The following RBFOX1 variants were observed in gnomAD, a reference collection of about 807,000 sequenced individuals.
The protein encoded by RBFOX1 is RNA binding fox-1 homolog 1.
Under a neutral mutation model 57.7 loss-of-function variants are expected in RBFOX1, and 8 were observed. The observed-to-expected ratio is 0.14, with a 90% CI of 0.08 to 0.25. RBFOX1 has a LOEUF of 0.25. RBFOX1 is among the 10% of genes least tolerant of loss of function. RBFOX1 has a pLI of 1.00. For missense variants in RBFOX1, 611 were observed against 548.5 expected, an observed-to-expected ratio of 1.11 and a Z score of -1.14; for synonymous variants, 326 against 222.4, an observed-to-expected ratio of 1.47 and a Z score of -4.15.
Position 7,212,090 on chromosome 16 carries a change from ATCAG to A in RBFOX1, c.27+159993_27+159996del, listed in dbSNP as rs1288286298. On this transcript the variant is annotated intron_variant, in intron 4 of 15. Coordinates refer to ENST00000550418, the MANE Select transcript of RBFOX1 (RefSeq NM_018723.4). Reference sequence around the variant, plus strand: ...TCACTGGAGTGATGATTAGTGGATGATCAGCGGTCAAAAGAGAATCATGCATGGA... The same window carrying A: ...TCACTGGAGTGATGATTAGTGGATGACGGTCAAAAGAGAATCATGCATGGA... Among the ~76,000 whole-genome samples the A allele has an allele frequency of 2.0e-5, 3 of 152,260 alleles. No individual in the cohort carries two copies. The East Asian group carries it at 5.8e-4, about 30-fold the overall frequency.
chr16:5,538,780 C>G (rs186163456), intron 2 of RBFOX1, among the ~76,000 whole-genome samples: 1 of 152,060 alleles, frequency 6.6e-6, no homozygotes. Flanking sequence ...GCACGCACCA[C>G]CATGCCCAGC....
In RBFOX1 at chr16:7,586,463, G is replaced by A. The variant is rs145077275; in HGVS notation, c.415-784G>A. Among the ~76,000 whole-genome samples the A allele has an allele frequency of 2.9e-3, 440 of 152,300 alleles. 2 individuals carry two copies. The highest frequency in any genetic ancestry group is 9.1e-3 in the South Asian group (44 of 4,828). Reference sequence around the variant, plus strand: ...TTTAAAAAATATGTAAGACACAGTCGTTGAATTTGAAGTTCAAATAAACCA... The same window carrying A: ...TTTAAAAAATATGTAAGACACAGTCATTGAATTTGAAGTTCAAATAAACCA... On this transcript the variant is annotated intron_variant, in intron 6 of 15. Coordinates refer to ENST00000550418, the MANE Select transcript of RBFOX1 (RefSeq NM_018723.4).
At chr16:5,849,898 G>T (rs1028345655) in intron 3 of RBFOX1, among the ~76,000 whole-genome samples, 1 of 152,158 alleles carries the variant, frequency 6.6e-6, no homozygotes, top group Admixed American at 6.5e-5. Flanking sequence ...TCCCAGTGTA[G>T]CCCAGCAGCT....
chr16:6,411,335 G>A (rs1211909336), intron 2 of RBFOX1, among the ~76,000 whole-genome samples: 2 of 152,194 alleles, frequency 1.3e-5, no homozygotes, highest in Non-Finnish European at 2.9e-5. Context: ...AAAGAGCCAT[G>A]TGCTGTACAT....
chr16:6,483,137 T>A (rs1420896796), intron 2 of RBFOX1: 2 of 1,055,282 alleles, frequency 1.9e-6, no homozygotes, highest in African/African-American at 3.4e-5. Context: ...TTCCCCCAGC[T>A]GCAAGAGTTT....
intron 3 of RBFOX1, among the ~76,000 whole-genome samples, chr16:5,704,701 C>T (rs1046383116): frequency 6.6e-6 from 1 of 152,108 alleles, no homozygotes; most frequent in African/African-American, 2.4e-5. Context: ...TTTCATTTGG[C>T]TCATTTATAT....
chr16:5,613,402 G>C (rs918838420), intron 3 of RBFOX1, among the ~76,000 whole-genome samples: 38 of 152,276 alleles, frequency 2.5e-4, no homozygotes, highest in African/African-American at 9.1e-4. Flanking sequence ...ACCCTCACCT[G>C]CATCCCATAT....
intron 4 of RBFOX1, among the ~76,000 whole-genome samples, chr16:7,424,704 A>G (rs966623388): frequency 6.6e-6 from 1 of 152,218 alleles, no homozygotes; most frequent in Non-Finnish European, 1.5e-5. Context: ...AACCTATGGA[A>G]GGGGATACAA....
chr16:7,593,611 A>G lies in RBFOX1; in HGVS notation c.469-1938A>G, dbSNP rs141604056. 8.8e-4 allele frequency among the ~76,000 whole-genome samples: 134 copies of G among 152,284 alleles called. No homozygotes were observed. In the Middle Eastern group the frequency reaches 0.01, roughly 12 times the overall value. On this transcript the variant is annotated intron_variant, in intron 7 of 15. Transcript: ENST00000550418. ...GTAAAGAAACGTTATTTTTCTCGATACAGTTCACCCTTGAACAACACAGGT... is the reference window on the plus strand; with the variant it reads ...GTAAAGAAACGTTATTTTTCTCGATGCAGTTCACCCTTGAACAACACAGGT...
At chr16:5,501,940 C>G (rs1383823631) in intron 2 of RBFOX1, among the ~76,000 whole-genome samples, 2 of 151,936 alleles carry the variant, frequency 1.3e-5, no homozygotes, top group African/African-American at 4.8e-5. Flanking sequence ...CCAAGCTGGT[C>G]TCGAACTCCT....
At chr16:5,565,076 G>C (rs1413807355) in intron 2 of RBFOX1, among the ~76,000 whole-genome samples, 1 of 152,160 alleles carries the variant, frequency 6.6e-6, no homozygotes, top group African/African-American at 2.4e-5. Flanking sequence ...GAGACAGTGA[G>C]GATGTCAAGA....
chr16:5,531,141 TAAATA>T (rs2044462200), intron 2 of RBFOX1, among the ~76,000 whole-genome samples: 1 of 134,876 alleles, frequency 7.4e-6, no homozygotes, highest in Non-Finnish European at 1.7e-5. Flanking sequence ...TAAAATAAAA[TAAATA>T]AAATAATCAC....
intron 1 of RBFOX1, among the ~76,000 whole-genome samples, chr16:6,031,093 G>A (rs932675425): frequency 2.0e-5 from 3 of 152,192 alleles, no homozygotes; most frequent in Middle Eastern, 3.2e-3. Flanking sequence ...ATAAAAGAGT[G>A]AGTGACCCTG....
intron 3 of RBFOX1, among the ~76,000 whole-genome samples, chr16:6,978,279 G>C (rs1182321636): frequency 1.3e-5 from 2 of 152,174 alleles, no homozygotes; most frequent in East Asian, 3.9e-4. Flanking sequence ...TAGATGTTCT[G>C]AATGTCTTTA....
chr16:7,545,158 T>G (rs2084076441), intron 5 of RBFOX1, among the ~76,000 whole-genome samples: 1 of 152,190 alleles, frequency 6.6e-6, no homozygotes, highest in Non-Finnish European at 1.5e-5. Flanking sequence ...CAAGGTGAAC[T>G]TGAGTAGTTA....
intron 2 of RBFOX1, among the ~76,000 whole-genome samples, chr16:6,351,164 G>A (rs1234862604): frequency 1.3e-5 from 2 of 151,804 alleles, no homozygotes; most frequent in African/African-American, 4.8e-5. Flanking sequence ...TAGCTTACAG[G>A]GAAAGATACA....
chr16:7,658,930 G>T (rs558317359), intron 12 of RBFOX1, among the ~76,000 whole-genome samples: 5 of 152,206 alleles, frequency 3.3e-5, no homozygotes, highest in African/African-American at 1.2e-4. Context: ...TCACCATATT[G>T]GCCAGGCTGC....
intron 3 of RBFOX1, among the ~76,000 whole-genome samples, chr16:6,974,162 T>C (rs1192200266): frequency 6.6e-6 from 1 of 152,104 alleles, no homozygotes; most frequent in East Asian, 1.9e-4. Context: ...CACATTTTTT[T>C]ATTAATCCAG....
chr16:6,504,111 A>G (rs574962424), intron 2 of RBFOX1, among the ~76,000 whole-genome samples: 2 of 152,282 alleles, frequency 1.3e-5, no homozygotes, highest in African/African-American at 4.8e-5. Context: ...GGCAGCCCAG[A>G]GGTAAGGTAG....
Sources: allele counts gnomAD v4.1 joint callset (sites outside exome capture counted in the v4.1 genomes callset), GRCh38; gene constraint gnomAD v4.1.1; transcripts MANE v1.5; gene names NCBI Gene and HGNC (gene_info 2026-07-23, HGNC 2026-07-21).